Variants in DLGAP2 observed in about 807,000 individuals in gnomAD.
DLGAP2 encodes DLG associated protein 2.
Under a neutral mutation model 100.3 loss-of-function variants are expected in DLGAP2, and 26 were observed. That is an observed-to-expected ratio of 0.26 (90% CI 0.19 to 0.36). The LOEUF is 0.36. Among genes scored for constraint, DLGAP2 ranks in the 10% least tolerant of loss-of-function variants. The pLI is 1.00. For missense variants in DLGAP2, 1,858 were observed against 1,453.2 expected, an observed-to-expected ratio of 1.28 and a Z score of -4.53; for synonymous variants, 886 against 630.1, an observed-to-expected ratio of 1.41 and a Z score of -6.08.
chr8:1,434,458 G>A (rs1423530694), intron 3 of DLGAP2, among the ~76,000 whole-genome samples: 5 of 151,726 alleles, frequency 3.3e-5, no homozygotes, highest in South Asian at 2.1e-4. Flanking sequence ...GCTACCTCCC[G>A]GGAGTGTCAG....
intron 2 of DLGAP2, among the ~76,000 whole-genome samples, chr8:1,185,109 G>A (rs1797471489): frequency 6.6e-6 from 1 of 152,108 alleles, no homozygotes; most frequent in South Asian, 2.1e-4. Context: ...GGGTGTTGGG[G>A]CAGAGGAGCA....
At position 1,082,372 on chromosome 8, in the gene DLGAP2, A is replaced by G. The variant is rs927048277; in HGVS notation, c.73+174406A>G. Among the ~76,000 whole-genome samples, 6 of 152,322 alleles carry G rather than the reference A, an allele frequency of 3.9e-5. No homozygotes were observed. In the East Asian group the frequency reaches 1.2e-3, roughly 29 times the overall value. On this transcript the variant is annotated intron_variant, in intron 2 of 14. Coordinates refer to ENST00000637795, the MANE Select transcript of DLGAP2 (RefSeq NM_001346810.2). ...TTCTACGTTTTCTTTATTTTTAAAA[A>G]AATCACCTTTTCAAAATATTGTCTG...
At chr8:1,107,019 A>G (rs1804796835) in intron 2 of DLGAP2, among the ~76,000 whole-genome samples, 1 of 152,196 alleles carries the variant, frequency 6.6e-6, no homozygotes, top group African/African-American at 2.4e-5. Context: ...GCACCTGTAT[A>G]CAGCATCTAG....
At chr8:1,040,058 G>T (rs186528333) in intron 2 of DLGAP2, among the ~76,000 whole-genome samples, 1 of 141,870 alleles carries the variant, frequency 7.0e-6, no homozygotes, top group Admixed American at 7.0e-5. Context: ...CTCGGTGTGC[G>T]TGGTCAGCTC....
At chr8:1,483,791 G>C (rs1287713530) in intron 3 of DLGAP2, among the ~76,000 whole-genome samples, 1 of 151,694 alleles carries the variant, frequency 6.6e-6, no homozygotes, top group South Asian at 2.1e-4. Context: ...GAGGCAGGCA[G>C]GGCTGCCAGG....
chr8:1,453,373 C>T (rs1268132508), intron 3 of DLGAP2, among the ~76,000 whole-genome samples: 1 of 152,130 alleles, frequency 6.6e-6, no homozygotes, highest in Non-Finnish European at 1.5e-5. Context: ...TCACAAGTGT[C>T]TGAGAAAGAA....
chr8:1,233,590 A>G (rs1037618389), intron 2 of DLGAP2, among the ~76,000 whole-genome samples: 5 of 152,166 alleles, frequency 3.3e-5, no homozygotes, highest in Non-Finnish European at 5.9e-5. Flanking sequence ...AGGGGCGAAG[A>G]TGGAACTCAG....
chr8:1,446,664 T>C (rs1391609191), intron 3 of DLGAP2, among the ~76,000 whole-genome samples: 1 of 152,238 alleles, frequency 6.6e-6, no homozygotes, highest in Non-Finnish European at 1.5e-5. Flanking sequence ...TGGCATTGAA[T>C]GTATAAATTA....
At position 1,704,438 on chromosome 8, in the gene DLGAP2, C is replaced by G. The variant is rs922584547; in HGVS notation, c.*3032C>G. The G allele has an allele frequency of 6.6e-6, 1 of 152,206 alleles. No homozygotes were observed. Among genetic ancestry groups the G allele is most frequent in the African/African-American group, 2.4e-5 (1 of 41,442 alleles). The allele number at this position is 152,206 out of a possible 1,614,324, so 9.4% of individuals were successfully genotyped here. The stretch of plus-strand genomic sequence containing the variant: ...CACAAGTATGATAAACAGGACCTAG[C>G]GTTTAGCCCGGGAAAGGAGAATGCT... On this transcript the variant is annotated 3_prime_UTR_variant, in exon 15 of 15. Coordinates refer to ENST00000637795, the MANE Select transcript of DLGAP2 (RefSeq NM_001346810.2).
intron 2 of DLGAP2, among the ~76,000 whole-genome samples, chr8:954,808 A>T (rs1177492000): frequency 6.6e-6 from 1 of 152,146 alleles, no homozygotes; most frequent in Admixed American, 6.5e-5. Flanking sequence ...CTTTGAGGGT[A>T]GGGCTGGTAT....
chr8:1,061,616 C>T (rs79443784), intron 2 of DLGAP2, among the ~76,000 whole-genome samples: 1,560 of 152,146 alleles, frequency 0.01, 26 homozygotes, highest in African/African-American at 0.035. Flanking sequence ...GCAGCAGAAA[C>T]GCCCCAAACT....
At chr8:1,105,346 A>T (rs1268655791) in intron 2 of DLGAP2, among the ~76,000 whole-genome samples, 1 of 152,152 alleles carries the variant, frequency 6.6e-6, no homozygotes. Flanking sequence ...TGTTGTGGGG[A>T]TTAACCTTGT....
intron 2 of DLGAP2, among the ~76,000 whole-genome samples, chr8:983,860 G>A (rs1370775320): frequency 6.6e-6 from 1 of 152,122 alleles, no homozygotes; most frequent in Non-Finnish European, 1.5e-5. Context: ...GGCTGGTCTT[G>A]AACTCCTAGG....
At chr8:798,137 T>C (rs1470564643) in intron 1 of DLGAP2, among the ~76,000 whole-genome samples, 1 of 152,236 alleles carries the variant, frequency 6.6e-6, no homozygotes, top group East Asian at 1.9e-4. Flanking sequence ...AGCTGAAAGA[T>C]CTGCAAAGGG....
intron 1 of DLGAP2, among the ~76,000 whole-genome samples, chr8:807,220 C>G (rs1796287301): frequency 6.6e-6 from 1 of 152,080 alleles, no homozygotes; most frequent in African/African-American, 2.4e-5. Flanking sequence ...TACTCGTTCT[C>G]ATTCATAAGT....
At chr8:1,596,103 A>G (rs1290995416) in intron 6 of DLGAP2, among the ~76,000 whole-genome samples, 7 of 139,946 alleles carry the variant, frequency 5.0e-5, no homozygotes, top group Admixed American at 5.0e-4. Flanking sequence ...TCTCCCACTT[A>G]TGAGTGGCAA....
In DLGAP2 at chr8:1,703,633, C is replaced by G. The variant is rs530620809; in HGVS notation, c.*2227C>G. 2.0e-5 allele frequency: 3 copies of G among 152,148 alleles called. No individual in the cohort carries two copies. The highest frequency in any genetic ancestry group is 4.8e-5 in the African/African-American group (2 of 41,428). The allele number at this position is 152,148 out of a possible 1,614,324, so 9.4% of individuals were successfully genotyped here. On this transcript the variant is annotated 3_prime_UTR_variant, in exon 15 of 15. Coordinates refer to ENST00000637795, the MANE Select transcript of DLGAP2 (RefSeq NM_001346810.2). ...TTGGTCTATCTACTGGCAGCTGATACGTTTAACTCATTTCCTTGAGCTTAT... is the reference window on the plus strand; with the variant it reads ...TTGGTCTATCTACTGGCAGCTGATAGGTTTAACTCATTTCCTTGAGCTTAT...
intron 1 of DLGAP2, among the ~76,000 whole-genome samples, chr8:889,593 G>A (rs1003321551): frequency 2.6e-5 from 4 of 152,204 alleles, no homozygotes; most frequent in Admixed American, 6.5e-5. Context: ...GGTGTGTTGC[G>A]CTGTGCAGAC....
intron 6 of DLGAP2, among the ~76,000 whole-genome samples, chr8:1,581,245 T>G (rs953874159): frequency 2.1e-5 from 3 of 142,252 alleles, no homozygotes; most frequent in African/African-American, 8.2e-5. Context: ...ACCCCGCACA[T>G]ATATGCACCA....
Sources: gnomAD v4.1 joint callset for allele counts (sites outside exome capture counted in the v4.1 genomes callset) on GRCh38, gnomAD v4.1.1 for gene constraint, MANE v1.5 for transcripts, NCBI Gene and HGNC (gene_info 2026-07-23, HGNC 2026-07-21) for gene names.